The following GDPD4 variants were observed in gnomAD, a reference collection of about 807,000 sequenced individuals.
The protein encoded by GDPD4 is glycerophosphodiester phosphodiesterase domain containing 4.
Under a neutral mutation model 67.8 loss-of-function variants are expected in GDPD4, and 60 were observed. That is an observed-to-expected ratio of 0.88 (90% CI 0.72 to 1.10). The LOEUF (loss-of-function observed/expected upper bound fraction) is 1.10, where lower values mean the gene tolerates loss of function less well. Ranked by LOEUF, GDPD4 falls within the 50% of genes least tolerant of loss-of-function variation. The pLI is 0.00. For synonymous variants in GDPD4, 212 were observed against 210.9 expected (o/e 1.00, Z -0.04); for missense variants, 623 against 613.9 (o/e 1.01, Z -0.16).
Position 77,217,184 on chromosome 11 carries a change from C to T in GDPD4, c.*93G>A. The T allele has an allele frequency of 1.0e-6, 1 of 957,924 alleles. No individual in the cohort carries two copies. Among genetic ancestry groups the T allele is most frequent in the South Asian group, 1.3e-5 (1 of 77,902 alleles). 59.3% of individuals were successfully genotyped at this position (957,924 alleles called of 1,614,324 possible). Reference sequence around the variant, plus strand: ...GAAATGGCCTTGGTGTTCCTTTCCACTCTTGGGTAGAGCCGGGTAGAGGGC... The same window carrying T: ...GAAATGGCCTTGGTGTTCCTTTCCATTCTTGGGTAGAGCCGGGTAGAGGGC... On this transcript the variant is annotated 3_prime_UTR_variant, in exon 17 of 17. Coordinates refer to ENST00000315938, the MANE Select transcript of GDPD4 (RefSeq NM_182833.3).
At chr11:77,235,761 C>T (rs544025926) in intron 13 of GDPD4, among the ~76,000 whole-genome samples, 1 of 152,190 alleles carries the variant, frequency 6.6e-6, no homozygotes, top group Admixed American at 6.5e-5. Flanking sequence ...TTGAGACCAG[C>T]CTGGCAACAC....
intron 1 of GDPD4, among the ~76,000 whole-genome samples, chr11:77,294,313 G>C (rs1471911156): frequency 2.6e-5 from 4 of 152,126 alleles, no homozygotes; most frequent in Non-Finnish European, 5.9e-5. Context: ...TAACTTTTCT[G>C]TAAATCTAAA....
intron 13 of GDPD4, 74 bp from the exon 14 acceptor site, chr11:77,233,246 C>CAT: frequency 6.8e-7 from 1 of 1,460,132 alleles, no homozygotes; most frequent in Non-Finnish European, 9.5e-7. Flanking sequence ...GAACAGCCAC[C>CAT]ATGTTTGTGA....
At chr11:77,229,058 T>C (rs977913453) in intron 15 of GDPD4, 92 bp downstream of exon 15, 22 of 613,546 alleles carry the variant, frequency 3.6e-5, no homozygotes, top group Non-Finnish European at 5.6e-5. Context: ...CATGTGGGAT[T>C]ACGGGAAGAG....
intron 3 of GDPD4, among the ~76,000 whole-genome samples, chr11:77,283,146 T>C (rs1237715974): frequency 1.3e-5 from 2 of 152,196 alleles, no homozygotes; most frequent in Non-Finnish European, 2.9e-5. Context: ...TCATGGAAGC[T>C]AGCCAGTAAG....
At chr11:77,231,127 T>C (rs571871228) in intron 14 of GDPD4, among the ~76,000 whole-genome samples, 1 of 152,336 alleles carries the variant, frequency 6.6e-6, no homozygotes, top group Non-Finnish European at 1.5e-5. Context: ...TGAGACATGA[T>C]AAATATTTGT....
chr11:77,231,549 G>A (rs1054018315), intron 14 of GDPD4, among the ~76,000 whole-genome samples: 2 of 152,108 alleles, frequency 1.3e-5, no homozygotes, highest in Non-Finnish European at 2.9e-5. Context: ...AGGTGTGGAA[G>A]GAAGATTGGT....
Position 77,227,908 on chromosome 11 carries a change from T to G in GDPD4, c.1481A>C (p.Glu494Ala). The G allele has an allele frequency of 6.2e-7, 1 of 1,612,214 alleles. No individual in the cohort carries two copies. Among genetic ancestry groups the G allele is most frequent in the Non-Finnish European group, 8.5e-7 (1 of 1,178,328 alleles). Residue 494 changes from glutamate to alanine, a missense_variant, in exon 16 of 17, where the codon GAG becomes GCG. Coordinates refer to ENST00000315938, the MANE Select transcript of GDPD4 (RefSeq NM_182833.3). ...TTCAAACAATTTTTCTTTTTCAGTC[T>G]CTCTCCGCCTAGAAGGAAGCAGACC... ...VAIFCFHWRRETEKEKLFETS... is the reference protein window; with the variant it reads ...VAIFCFHWRRATEKEKLFETS...
rs531206435 is a variant in GDPD4, at chr11:77,292,689, T to C, written c.-253-5269A>G. ...TGAGAAGACCAACAAAACTAATAAA[T>C]TTCCAACCAGGATCATTAAGGAGAT... On this transcript the variant is annotated intron_variant, in intron 1 of 16. Coordinates refer to ENST00000315938, the MANE Select transcript of GDPD4 (RefSeq NM_182833.3). 4.5e-4 allele frequency among the ~76,000 whole-genome samples: 69 copies of C among 151,996 alleles called. 2 individuals are homozygous for C. Among genetic ancestry groups the C allele is most frequent in the Non-Finnish European group, 2.6e-4 (18 of 67,992 alleles).
chr11:77,221,431 G>T (rs1454766010), intron 16 of GDPD4, among the ~76,000 whole-genome samples: 1 of 152,094 alleles, frequency 6.6e-6, no homozygotes, highest in Non-Finnish European at 1.5e-5. Flanking sequence ...GGTATGTTAT[G>T]TCTTTTTTCT....
At chr11:77,290,326 G>A (rs991579525) in intron 1 of GDPD4, among the ~76,000 whole-genome samples, 2 of 152,008 alleles carry the variant, frequency 1.3e-5, no homozygotes, top group Non-Finnish European at 2.9e-5. Flanking sequence ...TCTTCCCATC[G>A]GCACATAAAA....
chr11:77,289,431 A>G (rs1264778685), intron 1 of GDPD4, among the ~76,000 whole-genome samples: 1 of 147,604 alleles, frequency 6.8e-6, no homozygotes, highest in East Asian at 2.1e-4. Context: ...GAGAGAGAGA[A>G]GGCAGGCCGG....
intron 4 of GDPD4, among the ~76,000 whole-genome samples, chr11:77,277,486 T>C (rs1238203046): frequency 7.3e-6 from 1 of 136,132 alleles, no homozygotes; most frequent in African/African-American, 2.7e-5. Context: ...CAGTGCAAGC[T>C]CCGCCTCCCA....
chr11:77,229,198 G>A lies in GDPD4; in HGVS notation c.1424C>T (p.Ala475Val), dbSNP rs1762731433. The A allele has an allele frequency of 1.2e-6, 2 of 1,609,366 alleles. No individual in the cohort carries two copies. The highest frequency in any genetic ancestry group is 2.2e-5 in the East Asian group (1 of 44,818). ...PKFYVFMWLL[A>V]DIISVLFIVA... ...AATAAAAAGCACAGAAATGATATCT[G>A]CAAGGAGCCACATGAACACATAGAA... The change falls in exon 15 of 17, where the codon GCA becomes GTA. Residue 475 changes from alanine to valine, a missense_variant. Ala to Val is a moderately conservative substitution (Grantham distance 64, BLOSUM62 0). Transcript: ENST00000315938.
At chr11:77,285,218 C>T (rs537485655) in intron 2 of GDPD4, 31 bp from the exon 3 acceptor site, 163 of 1,122,628 alleles carry the variant, frequency 1.5e-4, no homozygotes, top group Non-Finnish European at 1.5e-4. Context: ...TCTAACTTAG[C>T]TCCATTTATC....
chr11:77,229,807 T>C (rs1176750351), intron 14 of GDPD4, among the ~76,000 whole-genome samples: 2 of 152,204 alleles, frequency 1.3e-5, no homozygotes, highest in Admixed American at 1.3e-4. Flanking sequence ...CAATTACCCC[T>C]TACCTACATG....
At chr11:77,242,560 C>CT (rs1482436674) in intron 13 of GDPD4, among the ~76,000 whole-genome samples, 11 of 151,910 alleles carry the variant, frequency 7.2e-5, no homozygotes, top group African/African-American at 2.7e-4. Flanking sequence ...ATGGCTAGGC[C>CT]AGGTCTAGCA....
At chr11:77,246,041 C>T (rs1198437990) in intron 11 of GDPD4, among the ~76,000 whole-genome samples, 2 of 152,152 alleles carry the variant, frequency 1.3e-5, no homozygotes, top group Non-Finnish European at 2.9e-5. Context: ...GCCTTTAATC[C>T]CAGCAGGCTG....
intron 11 of GDPD4, among the ~76,000 whole-genome samples, chr11:77,245,877 G>C (rs780725924): frequency 6.6e-6 from 1 of 152,092 alleles, no homozygotes; most frequent in Non-Finnish European, 1.5e-5. Context: ...ACATGCTTTG[G>C]CTTCAACTGA....
Sources: allele counts gnomAD v4.1 joint callset (sites outside exome capture counted in the v4.1 genomes callset), GRCh38; gene constraint gnomAD v4.1.1; transcripts MANE v1.5; gene names NCBI Gene and HGNC (gene_info 2026-07-23, HGNC 2026-07-21).